Variants in ZDBF2 observed in about 807,000 individuals in gnomAD.
The protein encoded by ZDBF2 is DBF4-type zinc finger-containing protein 2.
Under a neutral mutation model 9.4 loss-of-function variants are expected in ZDBF2, and 6 were observed. That is an observed-to-expected ratio of 0.64 (90% CI 0.35 to 1.27). The LOEUF (loss-of-function observed/expected upper bound fraction) is 1.27, where lower values mean the gene tolerates loss of function less well. ZDBF2 is among the 50% of genes most tolerant of loss of function. The pLI is 0.03. For synonymous variants in ZDBF2, 905 were observed against 946.3 expected, an observed-to-expected ratio of 0.96 and a Z score of 0.80; for missense variants, 2,697 against 2,766.8, an observed-to-expected ratio of 0.97 and a Z score of 0.57.
rs1465049183 is a variant in ZDBF2, at chr2:206,306,281, T to G, written c.1753T>G (p.Cys585Gly). 1.7e-5 allele frequency: 27 copies of G among 1,613,540 alleles called. No homozygotes were observed. The highest frequency in any genetic ancestry group is 2.3e-5 in the Non-Finnish European group (27 of 1,179,790). ...GSSCSETSFD[C>G]DVSLESVVDH... ...GAGTTGTTCTGAAACAAGTTTTGAT[T>G]GTGATGTTTCTCTTGAGTCAGTAGT... The change falls in exon 5 of 5, where the codon TGT becomes GGT. Residue 585 changes from cysteine (C) to glycine (G), a missense_variant. Physicochemically the swap from Cys to Gly is radical, Grantham distance 159 (BLOSUM62 -3). This residue lies in a region of ZDBF2 where 910 missense variants were observed against 973.6 expected (regional missense o/e 0.93). Coordinates refer to ENST00000374423, the MANE Select transcript of ZDBF2 (RefSeq NM_020923.3).
At chr2:206,299,264 T>C (rs1692371212) in intron 4 of ZDBF2, among the ~76,000 whole-genome samples, 1 of 152,262 alleles carries the variant, frequency 6.6e-6, no homozygotes, top group Non-Finnish European at 1.5e-5. Context: ...TTTTTATTTT[T>C]ATTTTTTATC....
At chr2:206,295,363 C>CTT (rs571707187) in intron 3 of ZDBF2, among the ~76,000 whole-genome samples, 1,364 of 110,932 alleles carry the variant, frequency 0.012, 37 homozygotes, top group African/African-American at 0.028. Context: ...CTTTTCTTTT[C>CTT]TTTTTTTTTT....
rs548936026 is a variant in ZDBF2 at position 206,308,143 on chromosome 2, C to A, written c.3615C>A (p.Asp1205Glu). Residue 1205 changes from aspartate (D) to glutamate (E), a missense_variant, in exon 5 of 5, where the codon GAC becomes GAA. Coordinates refer to ENST00000374423, the MANE Select transcript of ZDBF2 (RefSeq NM_020923.3). Reference protein sequence around the residue: ...CGSEVSFDSDDPLQSVADRLR... With the variant: ...CGSEVSFDSDEPLQSVADRLR... ...CTGAAGTAAGTTTTGATTCTGATGA[C>A]CCTCTTCAGTCAGTGGCTGACCGGC... The A allele has an allele frequency of 6.8e-6, 11 of 1,613,872 alleles. No homozygotes were observed. Among genetic ancestry groups the A allele is most frequent in the East Asian group, 2.2e-5 (1 of 44,888 alleles).
In ZDBF2 at chr2:206,304,801, AGAGGATGAGGATAAGGTT is replaced by A; in HGVS notation, c.286_303del (p.Lys96_Asp101del). On this transcript the variant is annotated inframe_deletion, in exon 5 of 5. Coordinates refer to ENST00000374423, the MANE Select transcript of ZDBF2 (RefSeq NM_020923.3). The stretch of plus-strand genomic sequence containing the variant: ...ATGATGCTTTTTCTGAAGAAGAGGA[AGAGGATGAGGATAAGGTT>A]GAGGATGAGGATGCTACCGAAGAGA... The A allele has an allele frequency of 6.2e-7, 1 of 1,613,722 alleles. No individual in the cohort carries two copies. Among genetic ancestry groups the A allele is most frequent in the African/African-American group, 1.3e-5 (1 of 75,024 alleles).
intron 3 of ZDBF2, among the ~76,000 whole-genome samples, chr2:206,293,426 A>G (rs1199250007): frequency 6.6e-6 from 1 of 152,186 alleles, no homozygotes; most frequent in Non-Finnish European, 1.5e-5. Context: ...AAGCACTGAC[A>G]AAGAAAAAAA....
Position 206,310,408 on chromosome 2 carries a change from A to G in ZDBF2, c.5880A>G (p.Ile1960Met). 1.2e-6 allele frequency: 2 copies of G among 1,613,988 alleles called. No individual in the cohort carries two copies. The highest frequency in any genetic ancestry group is 1.7e-6 in the Non-Finnish European group (2 of 1,179,876). Residue 1960 changes from isoleucine to methionine, a missense_variant, in exon 5 of 5, where the codon ATA becomes ATG. Ile to Met is a conservative substitution (Grantham distance 10). Transcript: ENST00000374423. ...ATTACCCAGTGATGAAAAGAAAAAT[A>G]ATTAGACAAGAGGAAGACCCACCAA... ...CKNYPVMKRKIIRQEEDPPKS... is the reference protein window; with the variant it reads ...CKNYPVMKRKMIRQEEDPPKS...
chr2:206,281,823 C>G lies in ZDBF2; in HGVS notation c.-27C>G. Reference sequence around the variant, plus strand: ...CAGCTTGAGTATTCAAAGACAGTAGCCATCTGACTTCAGTTATTTATTCAA... The same window carrying G: ...CAGCTTGAGTATTCAAAGACAGTAGGCATCTGACTTCAGTTATTTATTCAA... On this transcript the variant is annotated 5_prime_UTR_variant, in exon 3 of 5. Transcript: ENST00000374423. 6.2e-7 allele frequency: 1 copy of G among 1,607,186 alleles called. No homozygotes were observed. Among genetic ancestry groups the G allele is most frequent in the Non-Finnish European group, 8.5e-7 (1 of 1,175,862 alleles).
At chr2:206,279,141 T>C (rs930078453) in intron 1 of ZDBF2, among the ~76,000 whole-genome samples, 1 of 152,176 alleles carries the variant, frequency 6.6e-6, no homozygotes, top group Non-Finnish European at 1.5e-5. Context: ...GTTAAAAGAA[T>C]TGACAGTATT....
rs757444015 is a variant in ZDBF2, at chr2:206,310,692, C to A, written c.6164C>A (p.Pro2055His). The change falls in exon 5 of 5, where the codon CCC becomes CAC. Residue 2055 changes from proline to histidine, a missense_variant. By Grantham distance (77) the Pro-to-His change is moderately conservative. Transcript: ENST00000374423. ...CGGAATATCTTTGATTATTATGAGC[C>A]CTTGATTAAGCAAATTGTAATTAGT... ...YKRNIFDYYE[P>H]LIKQIVISPP... The A allele has an allele frequency of 4.5e-5, 73 of 1,612,926 alleles. No individual in the cohort carries two copies. The highest frequency in any genetic ancestry group is 5.5e-5 in the Non-Finnish European group (65 of 1,179,634).
intron 3 of ZDBF2, 99 bp downstream of exon 3, chr2:206,282,008 A>G (rs949886764): frequency 1.8e-6 from 2 of 1,099,744 alleles, no homozygotes; most frequent in South Asian, 1.7e-5. Flanking sequence ...TGAACAGATC[A>G]TATTGGGAAT....
chr2:206,309,843 C>G lies in ZDBF2; in HGVS notation c.5315C>G (p.Pro1772Arg), dbSNP rs1397507545. ...QPQETVKKRH[P>R]CKKVSSDLKE... The stretch of plus-strand genomic sequence containing the variant: ...CAAGAAACTGTTAAGAAAAGACACC[C>G]TTGTAAGAAGGTATCTTCTGACTTG... The change falls in exon 5 of 5, where the codon CCT becomes CGT. Residue 1772 changes from proline to arginine, a missense_variant. By Grantham distance (103) the Pro-to-Arg change is moderately radical (BLOSUM62 -2). Around this residue, in one of 3 missense-constraint regions of ZDBF2, gnomAD observed 1,783 missense variants for 1,776.5 expected, o/e 1.00. Transcript: ENST00000374423. 6 of 1,613,748 alleles carry G rather than the reference C, an allele frequency of 3.7e-6. No individual in the cohort carries two copies. The highest frequency in any genetic ancestry group is 1.3e-5 in the African/African-American group (1 of 74,890).
intron 3 of ZDBF2, among the ~76,000 whole-genome samples, chr2:206,288,291 T>C (rs988649788): frequency 1.3e-5 from 2 of 152,234 alleles, no homozygotes; most frequent in Non-Finnish European, 2.9e-5. Context: ...GCTAGATAGA[T>C]GCAGTGGTAT....
At chr2:206,282,727 A>T (rs1691389369) in intron 3 of ZDBF2, among the ~76,000 whole-genome samples, 2 of 152,204 alleles carry the variant, frequency 1.3e-5, no homozygotes, top group African/African-American at 4.8e-5. Context: ...GATATAACTC[A>T]TACACCATAA....
chr2:206,308,868 G>T lies in ZDBF2; in HGVS notation c.4340G>T (p.Cys1447Phe). 1 of 1,613,012 alleles carries T rather than the reference G, an allele frequency of 6.2e-7. No individual in the cohort carries two copies. Among genetic ancestry groups the T allele is most frequent in the Non-Finnish European group, 8.5e-7 (1 of 1,179,546 alleles). Residue 1447 changes from cysteine (C) to phenylalanine (F), a missense_variant, in exon 5 of 5, where the codon TGT becomes TTT. Coordinates refer to ENST00000374423, the MANE Select transcript of ZDBF2 (RefSeq NM_020923.3). The part of the protein sequence containing the change: ...KDHNDLENKN[C>F]EVCGSEIKCH... ...CATAATGATCTAGAAAATAAGAACTGTGAAGTCTGTGGTTCTGAAATAAAA... is the reference window on the plus strand; with the variant it reads ...CATAATGATCTAGAAAATAAGAACTTTGAAGTCTGTGGTTCTGAAATAAAA...
At chr2:206,279,080 G>T (rs12694049) in intron 1 of ZDBF2, among the ~76,000 whole-genome samples, 1 of 151,914 alleles carries the variant, frequency 6.6e-6, no homozygotes, top group Non-Finnish European at 1.5e-5. Flanking sequence ...ACAACAATGC[G>T]GAGGAATAAA....
intron 3 of ZDBF2, among the ~76,000 whole-genome samples, chr2:206,284,878 A>G (rs1008664090): frequency 2.6e-5 from 4 of 152,160 alleles, no homozygotes. Context: ...ACAAGAGTGC[A>G]CCAACACACC....
rs1692932443 is a variant in ZDBF2, at chr2:206,308,303, G to A, written c.3775G>A (p.Glu1259Lys). ...VLQPVAGQPEEVVKEVSLWKE... is the reference protein window; with the variant it reads ...VLQPVAGQPEKVVKEVSLWKE... Reference sequence around the variant, plus strand: ...TCAGCCAGTGGCTGGCCAACCTGAAGAAGTAGTTAAGGAGGTCAGTCTTTG... The same window carrying A: ...TCAGCCAGTGGCTGGCCAACCTGAAAAAGTAGTTAAGGAGGTCAGTCTTTG... Residue 1259 changes from glutamate to lysine, a missense_variant, in exon 5 of 5, where the codon GAA becomes AAA. By Grantham distance (56) the Glu-to-Lys change is moderately conservative. Coordinates refer to ENST00000374423, the MANE Select transcript of ZDBF2 (RefSeq NM_020923.3). 1 of 1,613,804 alleles carries A rather than the reference G, an allele frequency of 6.2e-7. No individual in the cohort carries two copies. Among genetic ancestry groups the A allele is most frequent in the Non-Finnish European group, 8.5e-7 (1 of 1,179,858 alleles).
intron 3 of ZDBF2, among the ~76,000 whole-genome samples, chr2:206,294,473 T>C (rs1293086772): frequency 6.6e-6 from 1 of 152,222 alleles, no homozygotes; most frequent in Admixed American, 6.5e-5. Context: ...GGTTGGATTT[T>C]AGTATTTATT....
intron 3 of ZDBF2, among the ~76,000 whole-genome samples, chr2:206,284,470 TG>T (rs1691496849): frequency 6.6e-6 from 1 of 152,202 alleles, no homozygotes; most frequent in Non-Finnish European, 1.5e-5. Context: ...TTCAACTGTT[TG>T]GAAATTTACA....
Sources: allele counts gnomAD v4.1 joint callset (sites outside exome capture counted in the v4.1 genomes callset), GRCh38; gene constraint gnomAD v4.1.1; regional missense constraint gnomAD v4.1.1; transcripts MANE v1.5; gene names NCBI Gene and HGNC (gene_info 2026-07-23, HGNC 2026-07-21).